Variants in CEP350 observed in about 807,000 individuals in gnomAD.
CEP350 encodes centrosomal protein 350, also known as centrosome-associated protein 350.
A neutral mutation model predicts 331.8 loss-of-function variants in CEP350; 126 were observed. The observed-to-expected ratio is 0.38, with a 90% CI of 0.33 to 0.44. The LOEUF is 0.44. Ranked by LOEUF, CEP350 falls within the 20% of genes least tolerant of loss-of-function variation. The pLI, the probability that CEP350 is intolerant of heterozygous loss-of-function variation, is 1.00. For missense variants in CEP350, 3,406 were observed against 3,634.6 expected, an observed-to-expected ratio of 0.94 and a Z score of 1.62; for synonymous variants, 1,200 against 1,259.5, an observed-to-expected ratio of 0.95 and a Z score of 1.00.
At chr1:179,963,101 G>C (rs1367030548) in intron 1 of CEP350, among the ~76,000 whole-genome samples, 1 of 151,938 alleles carries the variant, frequency 6.6e-6, no homozygotes, top group East Asian at 1.9e-4. Context: ...TTGGCCACTT[G>C]TATGTCTTCT....
intron 21 of CEP350, among the ~76,000 whole-genome samples, chr1:180,045,974 A>G (rs1017592148): frequency 2.0e-5 from 3 of 152,304 alleles, no homozygotes; most frequent in South Asian, 4.1e-4. Context: ...GTGCCATTGC[A>G]TATGATATAC....
intron 3 of CEP350, among the ~76,000 whole-genome samples, chr1:179,989,042 G>T (rs529182034): frequency 2.0e-5 from 3 of 152,068 alleles, no homozygotes; most frequent in Non-Finnish European, 4.4e-5. Context: ...AAACTATTGG[G>T]TGTTTTTGAA....
intron 14 of CEP350, among the ~76,000 whole-genome samples, chr1:180,025,109 A>G (rs571251655): frequency 6.6e-6 from 1 of 152,170 alleles, no homozygotes; most frequent in Non-Finnish European, 1.5e-5. Flanking sequence ...TATTTTTAGT[A>G]GAGACGGGGT....
chr1:180,088,853 A>G (rs115590087), intron 32 of CEP350, among the ~76,000 whole-genome samples: 4,570 of 152,174 alleles, frequency 0.03, 119 homozygotes, highest in South Asian at 0.071. Context: ...AGCTGCTGCT[A>G]TTATTATTAT....
At chr1:180,061,388 G>A (rs1039961589) in intron 25 of CEP350, among the ~76,000 whole-genome samples, 1 of 152,032 alleles carries the variant, frequency 6.6e-6, no homozygotes, top group Non-Finnish European at 1.5e-5. Flanking sequence ...GTAGAGGTGG[G>A]GTTTCACCAT....
In CEP350 at chr1:180,080,344, T is replaced by A. The variant is rs567277908; in HGVS notation, c.5980-173T>A. 124 of 206,576 alleles carry A rather than the reference T, an allele frequency of 6.0e-4. 1 individual carries two copies. The highest frequency in any genetic ancestry group is 9.5e-4 in the Non-Finnish European group (112 of 117,708). The allele number at this position is 206,576 out of a possible 1,614,324, so 12.8% of individuals were successfully genotyped here. ...CTTTATATAATTTGTAACCTTTTTT[T>A]AAAAATCAGCTTTCCCAGGTTGAAT... On this transcript the variant is annotated intron_variant, in intron 29 of 37. Transcript: ENST00000367607.
Position 179,986,195 on chromosome 1 carries a change from A to G in CEP350, c.14A>G (p.Lys5Arg). 1 of 1,551,568 alleles carries G rather than the reference A, an allele frequency of 6.4e-7. No individual in the cohort carries two copies. Among genetic ancestry groups the G allele is most frequent in the Non-Finnish European group, 8.7e-7 (1 of 1,146,872 alleles). The change falls in exon 2 of 38, where the codon AAA becomes AGA. Residue 5 changes from lysine (K) to arginine (R), a missense_variant. Lys to Arg is a conservative substitution (Grantham distance 26, BLOSUM62 2). This residue lies in a region of CEP350 where 1,857 missense variants were observed against 1,909.2 expected (regional missense o/e 0.97). Transcript: ENST00000367607. Reference protein sequence around the residue: MRSSKSKEVPLPNPR... With the variant: MRSSRSKEVPLPNPR... Reference sequence around the variant, plus strand: ...TAAATTGGCAGGATGAGGAGCAGCAAATCAAAAGAGGTGCCTTTACCAAAT... The same window carrying G: ...TAAATTGGCAGGATGAGGAGCAGCAGATCAAAAGAGGTGCCTTTACCAAAT...
At chr1:179,991,750 G>T (rs2148693691) in intron 4 of CEP350, among the ~76,000 whole-genome samples, 1 of 144,760 alleles carries the variant, frequency 6.9e-6, no homozygotes, top group East Asian at 2.0e-4. Flanking sequence ...CTGGGAGTTT[G>T]TTAGGTTGTA....
chr1:180,006,056 A>G (rs2501610), intron 7 of CEP350, among the ~76,000 whole-genome samples: 86,465 of 152,024 alleles, frequency 0.57, 26,411 homozygotes, highest in East Asian at 0.71. Flanking sequence ...AGAATATTAT[A>G]TTGAGTATTT....
chr1:180,050,463 G>GACC (rs1657410114), intron 22 of CEP350, among the ~76,000 whole-genome samples: 2 of 152,018 alleles, frequency 1.3e-5, no homozygotes, highest in African/African-American at 4.8e-5. Flanking sequence ...AGGAGTTCAA[G>GACC]ACCAGCCTGG....
intron 25 of CEP350, among the ~76,000 whole-genome samples, chr1:180,059,532 G>T (rs1374509319): frequency 6.6e-6 from 1 of 151,936 alleles, no homozygotes; most frequent in Non-Finnish European, 1.5e-5. Flanking sequence ...CTGTGTGACA[G>T]AAACGGGAAA....
intron 34 of CEP350, 136 bp downstream of exon 34, chr1:180,094,752 A>C: frequency 1.0e-6 from 1 of 960,398 alleles, no homozygotes; most frequent in South Asian, 1.9e-5. Flanking sequence ...TGTTTATTAG[A>C]GAAGGATCAC....
chr1:179,968,646 T>C (rs1021808603), intron 1 of CEP350: 1 of 417,062 alleles, frequency 2.4e-6, no homozygotes, highest in South Asian at 1.9e-5. Flanking sequence ...GGATTCCCAT[T>C]GTAACTTAAA....
chr1:179,982,509 A>G (rs776616921), intron 1 of CEP350, among the ~76,000 whole-genome samples: 34 of 152,092 alleles, frequency 2.2e-4, no homozygotes, highest in Non-Finnish European at 4.0e-4. Context: ...AAGCAGATAA[A>G]TTTTCTCTTG....
chr1:180,017,174 C>G (rs76463278), intron 11 of CEP350, among the ~76,000 whole-genome samples: 5,268 of 152,120 alleles, frequency 0.035, 170 homozygotes, highest in South Asian at 0.07. Context: ...TCTCAAAGGT[C>G]AAAACATTAA....
intron 1 of CEP350, among the ~76,000 whole-genome samples, chr1:179,983,922 C>G (rs1174150752): frequency 1.3e-5 from 2 of 152,148 alleles, no homozygotes; most frequent in African/African-American, 4.8e-5. Context: ...TTTAATCCTG[C>G]TAGCATCTAC....
At chr1:179,991,404 C>T (rs1426465401) in intron 4 of CEP350, among the ~76,000 whole-genome samples, 1 of 146,630 alleles carries the variant, frequency 6.8e-6, no homozygotes, top group African/African-American at 2.5e-5. Flanking sequence ...GCAACCTCTA[C>T]GTCCTGGGTT....
At chr1:180,108,789 T>G (rs965818274) in intron 37 of CEP350, among the ~76,000 whole-genome samples, 1 of 152,218 alleles carries the variant, frequency 6.6e-6, no homozygotes, top group African/African-American at 2.4e-5. Context: ...TTACTGCTGG[T>G]GGGCTTCTGT....
At chr1:180,071,781 CAAAAAA>C (rs59447652) in intron 27 of CEP350, among the ~76,000 whole-genome samples, 2 of 149,272 alleles carry the variant, frequency 1.3e-5, no homozygotes, top group Non-Finnish European at 3.0e-5. Context: ...GACTCCGTCT[CAAAAAA>C]AAAAGAGCGA....
Sources: allele counts gnomAD v4.1 joint callset (sites outside exome capture counted in the v4.1 genomes callset), GRCh38; gene constraint gnomAD v4.1.1; regional missense constraint gnomAD v4.1.1; transcripts MANE v1.5; gene names NCBI Gene and HGNC (gene_info 2026-07-23, HGNC 2026-07-21).